The following DHX15 variants were observed in gnomAD, a reference collection of about 807,000 sequenced individuals.
DHX15 encodes ATP-dependent RNA helicase DHX15.
Under a neutral mutation model 94.4 loss-of-function variants are expected in DHX15, and 11 were observed. That is an observed-to-expected ratio of 0.12 (90% CI 0.07 to 0.19). The LOEUF (loss-of-function observed/expected upper bound fraction) is 0.19, where lower values mean the gene tolerates loss of function less well. Ranked by LOEUF, DHX15 falls within the 10% of genes least tolerant of loss-of-function variation. The probability of loss-of-function intolerance (pLI) is 1.00; values close to 1 mark genes in which losing one functional copy is unlikely to be tolerated. For synonymous variants in DHX15, 338 were observed against 329.9 expected, an observed-to-expected ratio of 1.02 and a Z score of -0.27; for missense variants, 304 against 988.5, an observed-to-expected ratio of 0.31 and a Z score of 9.29.
Position 24,562,208 on chromosome 4 carries a change from C to T in DHX15, c.702-5798G>A, listed in dbSNP as rs1467377698. Among the ~76,000 whole-genome samples the T allele has an allele frequency of 2.7e-5, 4 of 149,478 alleles. No individual in the cohort carries two copies. The South Asian group carries it at 6.3e-4, about 24-fold the overall frequency. On this transcript the variant is annotated intron_variant, in intron 3 of 13. Transcript: ENST00000336812. The stretch of plus-strand genomic sequence containing the variant: ...AATTTACCTATACAGCAAACCTGCA[C>T]ATATACCCTTGAACCTAAAAGTTAA...
chr4:24,553,743 G>T (rs7696418), intron 5 of DHX15, among the ~76,000 whole-genome samples: 11 of 151,728 alleles, frequency 7.2e-5, no homozygotes, highest in Non-Finnish European at 1.6e-4. Flanking sequence ...ATGCCACTGC[G>T]CTCCAGCCTG....
chr4:24,549,624 G>A (rs80303526), intron 5 of DHX15, among the ~76,000 whole-genome samples: 8,166 of 152,200 alleles, frequency 0.054, 337 homozygotes, highest in African/African-American at 0.11. Context: ...TTTGTTAGGC[G>A]ATTCTGTTGT....
Position 24,527,907 on chromosome 4 carries a change from A to G in DHX15, c.*17T>C. 1 of 1,560,920 alleles carries G rather than the reference A, an allele frequency of 6.4e-7. No homozygotes were observed. The highest frequency in any genetic ancestry group is 8.8e-7 in the Non-Finnish European group (1 of 1,132,088). On this transcript the variant is annotated 3_prime_UTR_variant, in exon 14 of 14. Coordinates refer to ENST00000336812, the MANE Select transcript of DHX15 (RefSeq NM_001358.3). ...TTAAAGCTGTCCTCTCAATAACTTC[A>G]GTTCTAAGCACTGAATTCAGTACTG... is the stretch of plus-strand genomic sequence containing the variant.
chr4:24,564,809 A>G (rs1721958681), intron 3 of DHX15, among the ~76,000 whole-genome samples: 1 of 152,210 alleles, frequency 6.6e-6, no homozygotes, highest in South Asian at 2.1e-4. Context: ...GCTCACAAGG[A>G]AAGGGAACAT....
At chr4:24,533,316 C>T (rs2109392316) in intron 11 of DHX15, 1 of 485,270 alleles carries the variant, frequency 2.1e-6, no homozygotes, top group East Asian at 3.7e-5. Context: ...TAGTGAATTA[C>T]TTCTCCCATT....
intron 6 of DHX15, among the ~76,000 whole-genome samples, chr4:24,546,259 G>A (rs1246489737): frequency 6.6e-6 from 1 of 152,054 alleles, no homozygotes; most frequent in Non-Finnish European, 1.5e-5. Flanking sequence ...AAAACTACAG[G>A]ACCATCTCCA....
chr4:24,581,415 C>T (rs1406830662), intron 1 of DHX15, among the ~76,000 whole-genome samples: 2 of 152,152 alleles, frequency 1.3e-5, no homozygotes, highest in Admixed American at 1.3e-4. Flanking sequence ...AAATAACACG[C>T]GTTGATCCCA....
intron 12 of DHX15, chr4:24,530,992 T>C (rs1428464523): frequency 1.3e-5 from 2 of 152,238 alleles, no homozygotes; most frequent in Non-Finnish European, 2.9e-5. Flanking sequence ...ACTTCTCTAG[T>C]AGCTAGGACT....
At chr4:24,560,647 A>G (rs536520600) in intron 3 of DHX15, among the ~76,000 whole-genome samples, 1 of 152,322 alleles carries the variant, frequency 6.6e-6, no homozygotes, top group Non-Finnish European at 1.5e-5. Context: ...TGGGCAAAGC[A>G]TATGATGAAA....
rs2109404256 is a variant in DHX15 at position 24,551,224 on chromosome 4, A to G, written c.1081-2202T>C. On this transcript the variant is annotated intron_variant, in intron 5 of 13. Transcript: ENST00000336812. Reference sequence around the variant, plus strand: ...TTGAAGTATTAATTCAATTAAACCCAGAAGTATGTAAAACGCTTATTATAC... The same window carrying G: ...TTGAAGTATTAATTCAATTAAACCCGGAAGTATGTAAAACGCTTATTATAC... 1.3e-5 allele frequency among the ~76,000 whole-genome samples: 2 copies of G among 152,360 alleles called. 1 individual carries two copies. The highest frequency in any genetic ancestry group is 4.1e-4 in the South Asian group (2 of 4,832).
intron 2 of DHX15, among the ~76,000 whole-genome samples, chr4:24,574,868 G>C (rs1443856073): frequency 6.6e-6 from 1 of 152,094 alleles, no homozygotes; most frequent in Admixed American, 6.5e-5. Context: ...TAAAATTTCC[G>C]TAAGGTGATT....
intron 6 of DHX15, among the ~76,000 whole-genome samples, chr4:24,544,728 G>C (rs9999343): frequency 0.036 from 5,412 of 152,266 alleles, 286 homozygotes; most frequent in African/African-American, 0.11. Flanking sequence ...CCCCAAGCTT[G>C]TATTCCTTTT....
intron 5 of DHX15, among the ~76,000 whole-genome samples, chr4:24,554,202 C>T (rs894672014): frequency 4.0e-5 from 6 of 151,684 alleles, no homozygotes; most frequent in Non-Finnish European, 8.8e-5. Context: ...TGGGCGACAG[C>T]GCAAGACTCC....
At chr4:24,547,632 CAT>C (rs1018087480) in intron 6 of DHX15, among the ~76,000 whole-genome samples, 312 of 151,964 alleles carry the variant, frequency 2.1e-3, no homozygotes, top group Non-Finnish European at 6.0e-4. Context: ...ACAAAGTACA[CAT>C]GATTTCAAGA....
intron 2 of DHX15, among the ~76,000 whole-genome samples, chr4:24,574,753 C>T (rs918216042): frequency 3.3e-5 from 5 of 152,086 alleles, no homozygotes; most frequent in Admixed American, 6.6e-5. Context: ...TATAGAAAAA[C>T]GTAAATGAGC....
At chr4:24,541,002 C>T (rs1358713758) in intron 8 of DHX15, 54 bp from the exon 9 acceptor site, 8 of 1,170,826 alleles carry the variant, frequency 6.8e-6, no homozygotes, top group Middle Eastern at 2.0e-4. Flanking sequence ...TCAGTCTCCT[C>T]GTTCCAGAAA....
At chr4:24,531,503 A>G (rs1721083511) in intron 12 of DHX15, among the ~76,000 whole-genome samples, 1 of 152,132 alleles carries the variant, frequency 6.6e-6, no homozygotes, top group Non-Finnish European at 1.5e-5. Flanking sequence ...ATTTGAAGCC[A>G]GAAGTTCAAG....
At chr4:24,576,091 C>CT in intron 2 of DHX15, 152 bp downstream of exon 2, 1 of 651,210 alleles carries the variant, frequency 1.5e-6, no homozygotes, top group Non-Finnish European at 2.6e-6. Context: ...GATTTCCACT[C>CT]TGAAATTCAG....
At chr4:24,541,707 G>A (rs1432609544) in intron 8 of DHX15, among the ~76,000 whole-genome samples, 166 bp downstream of exon 8, 2 of 152,054 alleles carry the variant, frequency 1.3e-5, no homozygotes, top group Non-Finnish European at 2.9e-5. Flanking sequence ...GAATAAGGGG[G>A]TGTACGACTA....
Sources: allele counts gnomAD v4.1 joint callset (sites outside exome capture counted in the v4.1 genomes callset), GRCh38; gene constraint gnomAD v4.1.1; transcripts MANE v1.5; gene names NCBI Gene and HGNC (gene_info 2026-07-23, HGNC 2026-07-21).